MC2R: variants seen among roughly 807,000 people sequenced by gnomAD.
MC2R encodes adrenocorticotropic hormone receptor.
Under a neutral mutation model 9.8 loss-of-function variants are expected in MC2R, and 9 were observed. The ratio of observed to expected loss-of-function variants is 0.92; its 90% CI spans 0.55 to 1.60. The LOEUF is 1.60. MC2R is among the 40% of genes most tolerant of loss of function. The probability of loss-of-function intolerance (pLI) is 0.00; values close to 1 mark genes in which losing one functional copy is unlikely to be tolerated. For synonymous variants in MC2R, 185 were observed against 154.7 expected (o/e 1.20, Z -1.45); for missense variants, 370 against 389.0 (o/e 0.95, Z 0.41).
chr18:13,911,207 C>T (rs1205462869), intron 1 of MC2R, among the ~76,000 whole-genome samples: 1 of 152,118 alleles, frequency 6.6e-6, no homozygotes, highest in African/African-American at 2.4e-5. Context: ...GAGGGCCGGG[C>T]AGCCGAGAGC....
At chr18:13,891,807 A>T (rs573230127) in intron 1 of MC2R, among the ~76,000 whole-genome samples, 60 of 152,192 alleles carry the variant, frequency 3.9e-4, no homozygotes, top group Admixed American at 9.2e-4. Flanking sequence ...CATCTGACCC[A>T]TCCCACCTCA....
intron 1 of MC2R, among the ~76,000 whole-genome samples, chr18:13,889,413 C>T (rs1163520887): frequency 6.6e-6 from 1 of 152,160 alleles, no homozygotes; most frequent in African/African-American, 2.4e-5. Flanking sequence ...TTGGTTGATT[C>T]GTTTGCCTGA....
chr18:13,900,672 C>G (rs1002250586), intron 1 of MC2R, among the ~76,000 whole-genome samples: 4 of 152,004 alleles, frequency 2.6e-5, no homozygotes, highest in African/African-American at 9.7e-5. Flanking sequence ...TACATAATGA[C>G]AAAGGTGTCA....
chr18:13,906,166 C>G (rs2045413202), intron 1 of MC2R, among the ~76,000 whole-genome samples: 2 of 152,192 alleles, frequency 1.3e-5, no homozygotes, highest in African/African-American at 2.4e-5. Flanking sequence ...ATAGCAAAGA[C>G]ATGGTACCAA....
Position 13,889,855 on chromosome 18 carries a change from T to G in MC2R, c.-128-4209A>C, listed in dbSNP as rs200998476. Among the ~76,000 whole-genome samples, 7 of 152,202 alleles carry G rather than the reference T, an allele frequency of 4.6e-5. No individual in the cohort carries two copies. In the East Asian group the frequency reaches 1.4e-3, roughly 29 times the overall value. ...TTGACAATACAAGGGAGTCCTATTC[T>G]CTCTGACTCACCCCTGATCTGACTC... is the stretch of plus-strand genomic sequence containing the variant. On this transcript the variant is annotated intron_variant, in intron 1 of 1. Coordinates refer to ENST00000327606, the MANE Select transcript of MC2R (RefSeq NM_000529.2).
chr18:13,892,443 C>T (rs369064380), intron 1 of MC2R, among the ~76,000 whole-genome samples: 1 of 152,168 alleles, frequency 6.6e-6, no homozygotes, highest in African/African-American at 2.4e-5. Flanking sequence ...CCACCGGCAC[C>T]CATCCCTGTT....
chr18:13,900,988 T>C (rs1269786763), intron 1 of MC2R, among the ~76,000 whole-genome samples: 1 of 152,130 alleles, frequency 6.6e-6, no homozygotes, highest in Non-Finnish European at 1.5e-5. Flanking sequence ...GGACAGACCA[T>C]ATGTTAGGTC....
At chr18:13,915,438 T>C (rs2045470500) in intron 1 of MC2R, 50 bp downstream of exon 1, 2 of 152,680 alleles carry the variant, frequency 1.3e-5, no homozygotes, top group African/African-American at 4.8e-5. Context: ...GCTCTATTCA[T>C]GGTCCAAAAG....
chr18:13,895,808 C>A (rs1014752474), intron 1 of MC2R, among the ~76,000 whole-genome samples: 4 of 152,088 alleles, frequency 2.6e-5, no homozygotes, highest in Non-Finnish European at 5.9e-5. Context: ...CTGGCACTAG[C>A]AAATTCTGTG....
intron 1 of MC2R, among the ~76,000 whole-genome samples, chr18:13,886,971 G>A (rs1031124658): frequency 2.6e-5 from 4 of 152,232 alleles, no homozygotes; most frequent in Admixed American, 6.5e-5. Flanking sequence ...TTGACAGGGC[G>A]TAGCTGCTGT....
intron 1 of MC2R, among the ~76,000 whole-genome samples, chr18:13,889,761 A>G (rs1453988967): frequency 6.6e-6 from 1 of 152,148 alleles, no homozygotes; most frequent in Non-Finnish European, 1.5e-5. Flanking sequence ...TATGTGTTAA[A>G]TTCTTGTTAT....
rs1449514679 is a variant in MC2R, at chr18:13,884,848, A to C, written c.671T>G (p.Leu224Arg). The change falls in exon 2 of 2, where the codon CTG (leucine) becomes CGG (arginine). Residue 224 changes from leucine to arginine, a missense_variant. Coordinates refer to ENST00000327606, the MANE Select transcript of MC2R (RefSeq NM_000529.2). Reference protein sequence around the residue: ...NMKGAITLTILLGVFIFCWAP... With the variant: ...NMKGAITLTIRLGVFIFCWAP... Reference sequence around the variant, plus strand: ...CCAGCAGAAGATGAAGACCCCGAGCAGGATGGTCAGTGTGATGGCCCCTTT... The same window carrying C: ...CCAGCAGAAGATGAAGACCCCGAGCCGGATGGTCAGTGTGATGGCCCCTTT... The C allele has an allele frequency of 7.4e-6, 12 of 1,613,988 alleles. No homozygotes were observed. The highest frequency in any genetic ancestry group is 1.0e-5 in the Non-Finnish European group (12 of 1,180,034).
chr18:13,913,257 C>T (rs1300563043), intron 1 of MC2R, among the ~76,000 whole-genome samples: 2 of 152,130 alleles, frequency 1.3e-5, no homozygotes, highest in Non-Finnish European at 2.9e-5. Flanking sequence ...ACCTTCCACC[C>T]GCTCACATCT....
At chr18:13,887,180 GAA>G (rs552060480) in intron 1 of MC2R, among the ~76,000 whole-genome samples, 1,846 of 81,540 alleles carry the variant, frequency 0.023, 34 homozygotes, top group Non-Finnish European at 0.029. Flanking sequence ...GATGGGAGGG[GAA>G]GCCTGTGTGC....
intron 1 of MC2R, among the ~76,000 whole-genome samples, chr18:13,896,611 A>G (rs1489492651): frequency 6.6e-6 from 1 of 152,230 alleles, no homozygotes; most frequent in Non-Finnish European, 1.5e-5. Flanking sequence ...TCCAGGTAGC[A>G]ATTTTTATTA....
intron 1 of MC2R, among the ~76,000 whole-genome samples, chr18:13,902,104 C>T (rs1049918893): frequency 2.4e-5 from 3 of 126,010 alleles, no homozygotes; most frequent in Non-Finnish European, 5.1e-5. Flanking sequence ...GCAACCAATG[C>T]AAAATACAAT....
intron 1 of MC2R, among the ~76,000 whole-genome samples, chr18:13,901,626 A>G (rs563636859): frequency 6.6e-6 from 1 of 152,304 alleles, no homozygotes; most frequent in South Asian, 2.1e-4. Flanking sequence ...AAATTGGAAC[A>G]TCTAGAAGAA....
chr18:13,910,021 A>T (rs560362363), intron 1 of MC2R, among the ~76,000 whole-genome samples: 1 of 152,288 alleles, frequency 6.6e-6, no homozygotes, highest in South Asian at 2.1e-4. Context: ...ATTTTCTTCT[A>T]TGTTTTCTTT....
intron 1 of MC2R, among the ~76,000 whole-genome samples, chr18:13,908,545 A>C (rs1480601148): frequency 6.6e-6 from 1 of 152,240 alleles, no homozygotes; most frequent in Non-Finnish European, 1.5e-5. Flanking sequence ...AGCATAAAGA[A>C]GAGACTTTAG....
Sources: gnomAD v4.1 joint callset for allele counts (sites outside exome capture counted in the v4.1 genomes callset) on GRCh38, gnomAD v4.1.1 for gene constraint, MANE v1.5 for transcripts, NCBI Gene and HGNC (gene_info 2026-07-23, HGNC 2026-07-21) for gene names.